The following IL17RD variants were observed in gnomAD, a reference collection of about 807,000 sequenced individuals.
IL17RD encodes the protein interleukin-17 receptor D.
In IL17RD, 52 loss-of-function variants were observed where a neutral mutation model predicts 80.5. The ratio of observed to expected loss-of-function variants is 0.65; its 90% CI spans 0.52 to 0.81. IL17RD has a LOEUF of 0.81. Ranked by LOEUF, IL17RD falls within the 40% of genes least tolerant of loss-of-function variation. The probability of loss-of-function intolerance (pLI) is 0.00; values close to 1 mark genes in which losing one functional copy is unlikely to be tolerated. For synonymous variants in IL17RD, 416 were observed against 391.8 expected, an observed-to-expected ratio of 1.06 and a Z score of -0.73; for missense variants, 1,024 against 955.1, an observed-to-expected ratio of 1.07 and a Z score of -0.95.
chr3:57,097,618 G>T lies in IL17RD; in HGVS notation c.2085C>A (p.Ser695Arg). ...TACCCAGGCCTGAAGAGGAGGACAC[G>T]CTCTCCGTCAGGGAAGACGTTTCTG... is the stretch of plus-strand genomic sequence containing the variant. ...DQTETSSLTE[S>R]VSSSSGLGEE... Residue 695 changes from serine to arginine, a missense_variant, in exon 12 of 13, where the codon AGC becomes AGA. By Grantham distance (110) the Ser-to-Arg change is moderately radical. Coordinates refer to ENST00000296318, the MANE Select transcript of IL17RD (RefSeq NM_017563.5). 3 of 1,581,036 alleles carry T rather than the reference G, an allele frequency of 1.9e-6. No homozygotes were observed. Among genetic ancestry groups the T allele is most frequent in the South Asian group, 1.2e-5 (1 of 85,892 alleles).
At chr3:57,103,925 T>C (rs1021698261) in intron 8 of IL17RD, among the ~76,000 whole-genome samples, 1 of 152,176 alleles carries the variant, frequency 6.6e-6, no homozygotes, top group Non-Finnish European at 1.5e-5. Context: ...ATTTACATGT[T>C]CTTTGAAGTG....
intron 1 of IL17RD, among the ~76,000 whole-genome samples, chr3:57,124,534 G>C (rs1707408682): frequency 6.6e-6 from 1 of 152,154 alleles, no homozygotes; most frequent in South Asian, 2.1e-4. Context: ...GGAAGGAGGA[G>C]CTAAGGAGCC....
chr3:57,155,820 A>G (rs528930963), intron 1 of IL17RD, among the ~76,000 whole-genome samples: 24 of 152,118 alleles, frequency 1.6e-4, no homozygotes, highest in Non-Finnish European at 3.1e-4. Flanking sequence ...TGAACTCCTG[A>G]CCTCAGGTGA....
chr3:57,163,657 G>T (rs1420471099), intron 1 of IL17RD, among the ~76,000 whole-genome samples: 3 of 151,978 alleles, frequency 2.0e-5, no homozygotes, highest in Non-Finnish European at 4.4e-5. Context: ...CCTCCTTGAG[G>T]AAACTTGCTA....
rs936142875 is a variant in IL17RD, at chr3:57,094,747, T to G, written c.*1646A>C. 2.0e-5 allele frequency: 3 copies of G among 152,172 alleles called. No homozygotes were observed. Among genetic ancestry groups the G allele is most frequent in the African/African-American group, 7.2e-5 (3 of 41,418 alleles). The allele number at this position is 152,172 out of a possible 1,614,324, so 9.4% of individuals were successfully genotyped here. ...GTGTGGGTAGGAGCTCTGCACTCATTCCAGATTCCATAGGAACAACATAAA... is the reference window on the plus strand; with the variant it reads ...GTGTGGGTAGGAGCTCTGCACTCATGCCAGATTCCATAGGAACAACATAAA... On this transcript the variant is annotated 3_prime_UTR_variant, in exon 13 of 13. Transcript: ENST00000296318.
At chr3:57,117,745 T>C (rs1187292313) in intron 2 of IL17RD, among the ~76,000 whole-genome samples, 1 of 152,208 alleles carries the variant, frequency 6.6e-6, no homozygotes, top group Non-Finnish European at 1.5e-5. Flanking sequence ...ATGGAAAATA[T>C]GGAATAAGTT....
chr3:57,146,270 T>G (rs1051970698), intron 1 of IL17RD, among the ~76,000 whole-genome samples: 1 of 152,334 alleles, frequency 6.6e-6, no homozygotes, highest in East Asian at 1.9e-4. Context: ...TTTATTCACT[T>G]AAAACATCTT....
chr3:57,165,623 A>G (rs1438546325), upstream of IL17RD, among the ~76,000 whole-genome samples: 1 of 151,704 alleles, frequency 6.6e-6, no homozygotes, highest in African/African-American at 2.4e-5. Flanking sequence ...TGCTCACTCT[A>G]TGCAAAACCT....
At chr3:57,139,178 TAA>T (rs1707784777) in intron 1 of IL17RD, among the ~76,000 whole-genome samples, 1 of 151,636 alleles carries the variant, frequency 6.6e-6, no homozygotes, top group Non-Finnish European at 1.5e-5. Context: ...ACAGAAAGTG[TAA>T]AAAAATAACA....
At chr3:57,125,236 G>A (rs4681954) in intron 1 of IL17RD, among the ~76,000 whole-genome samples, 23,338 of 152,022 alleles carry the variant, frequency 0.15, 2,263 homozygotes, top group East Asian at 0.37. Flanking sequence ...GTAAAACCCC[G>A]CCTCTACTAA....
chr3:57,124,693 C>A (rs1450526584), intron 1 of IL17RD, among the ~76,000 whole-genome samples: 1 of 152,182 alleles, frequency 6.6e-6, no homozygotes, highest in Non-Finnish European at 1.5e-5. Context: ...TATAATAAGA[C>A]AATAAACGTA....
intron 7 of IL17RD, among the ~76,000 whole-genome samples, chr3:57,105,348 G>A: frequency 6.6e-6 from 1 of 151,500 alleles, no homozygotes; most frequent in Non-Finnish European, 1.5e-5. Flanking sequence ...GACCAGCCTG[G>A]GCAACATGGT....
At chr3:57,097,104 G>A (rs1706695705) in intron 12 of IL17RD, among the ~76,000 whole-genome samples, 1 of 151,926 alleles carries the variant, frequency 6.6e-6, no homozygotes, top group East Asian at 1.9e-4. Flanking sequence ...GATGCTCCCT[G>A]CAGAAGTAGG....
rs778432118 is a variant in IL17RD, at chr3:57,098,289, G to A, written c.1414C>T (p.Leu472Phe). The A allele has an allele frequency of 6.2e-7, 1 of 1,613,994 alleles. No homozygotes were observed. ...AAGTAGACGGCGATAAACTTGCTGA[G>A]CGCCGCGGACGAACTCTGCTTGGCC... ...RQAKQSSSAA[L>F]SKFIAVYFDY... Residue 472 changes from leucine to phenylalanine, a missense_variant, in exon 12 of 13, where the codon CTC becomes TTC. Coordinates refer to ENST00000296318, the MANE Select transcript of IL17RD (RefSeq NM_017563.5).
intron 2 of IL17RD, 80 bp from the exon 3 acceptor site, chr3:57,114,897 G>C: frequency 8.0e-7 from 1 of 1,244,288 alleles, no homozygotes; most frequent in Non-Finnish European, 1.1e-6. Flanking sequence ...AAATAAACAG[G>C]GCATGTCTGA....
Position 57,098,235 on chromosome 3 carries a change from C to A in IL17RD, c.1468G>T (p.Gly490Cys). 1.9e-6 allele frequency: 3 copies of A among 1,613,824 alleles called. No individual in the cohort carries two copies. The highest frequency in any genetic ancestry group is 2.5e-6 in the Non-Finnish European group (3 of 1,179,834). The change falls in exon 12 of 13, where the codon GGT becomes TGT. Residue 490 changes from glycine to cysteine, a missense_variant. Transcript: ENST00000296318. The part of the protein sequence containing the change: ...FDYSCEGDVP[G>C]ILDLSTKYRL... The stretch of plus-strand genomic sequence containing the variant: ...TACTTGGTACTCAGGTCTAGGATAC[C>A]GGGGACGTCTCCCTCGCAGGAATAA...
rs547308447 is a variant in IL17RD at position 57,127,265 on chromosome 3, T to A, written c.127-6952A>T. Reference sequence around the variant, plus strand: ...AAATATATATATAAATATATATAAATATATATAAAAATATATATAAATATA... The same window carrying A: ...AAATATATATATAAATATATATAAAAATATATAAAAATATATATAAATATA... On this transcript the variant is annotated intron_variant, in intron 1 of 12. Coordinates refer to ENST00000296318, the MANE Select transcript of IL17RD (RefSeq NM_017563.5). Among the ~76,000 whole-genome samples the A allele has an allele frequency of 6.4e-4, 54 of 84,334 alleles. 1 individual carries two copies. The East Asian group carries it at 8.3e-3, about 13-fold the overall frequency. 55.3% of individuals were successfully genotyped at this position (84,334 alleles called of 152,430 possible). A position where few individuals can be genotyped will look rare whatever the true frequency, so the allele number is the denominator to read the frequency against.
At chr3:57,159,474 C>T (rs559800209) in intron 1 of IL17RD, among the ~76,000 whole-genome samples, 27 of 152,324 alleles carry the variant, frequency 1.8e-4, no homozygotes, top group Middle Eastern at 3.4e-3. Context: ...GCTGTGGGCC[C>T]CGGAGGAGAC....
chr3:57,124,902 C>T (rs868362821), intron 1 of IL17RD, among the ~76,000 whole-genome samples: 2 of 152,188 alleles, frequency 1.3e-5, no homozygotes, highest in South Asian at 4.1e-4. Context: ...ACCCAAGCTT[C>T]AGGCAGGCAT....
Sources: gnomAD v4.1 joint callset for allele counts (sites outside exome capture counted in the v4.1 genomes callset) on GRCh38, gnomAD v4.1.1 for gene constraint, MANE v1.5 for transcripts, NCBI Gene and HGNC (gene_info 2026-07-23, HGNC 2026-07-21) for gene names.